PTPRR: variants seen among roughly 807,000 people sequenced by gnomAD.
PTPRR encodes protein tyrosine phosphatase receptor type R.
A neutral mutation model predicts 77.2 loss-of-function variants in PTPRR; 38 were observed. The ratio of observed to expected loss-of-function variants is 0.49; its 90% CI spans 0.38 to 0.65. The LOEUF (loss-of-function observed/expected upper bound fraction) is 0.65. Among genes scored for constraint, PTPRR ranks in the 30% least tolerant of loss-of-function variants. The pLI, the probability that PTPRR is intolerant of heterozygous loss-of-function variation, is 0.00. For missense variants in PTPRR, 744 were observed against 799.2 expected, an observed-to-expected ratio of 0.93 and a Z score of 0.83; for synonymous variants, 299 against 283.1, an observed-to-expected ratio of 1.06 and a Z score of -0.57.
chr12:70,766,706 T>C (rs900597077), intron 2 of PTPRR, among the ~76,000 whole-genome samples: 2 of 150,918 alleles, frequency 1.3e-5, no homozygotes, highest in African/African-American at 4.9e-5. Flanking sequence ...CCAAGACACA[T>C]AATTGTCAGA....
chr12:70,898,118 G>A (rs1367703641), intron 1 of PTPRR, among the ~76,000 whole-genome samples: 3 of 151,308 alleles, frequency 2.0e-5, no homozygotes, highest in Non-Finnish European at 4.4e-5. Context: ...AAACCTGCAC[G>A]TTGTGCACAT....
chr12:70,701,922 G>A (rs1279837425), intron 6 of PTPRR, among the ~76,000 whole-genome samples: 17 of 152,228 alleles, frequency 1.1e-4, no homozygotes, highest in African/African-American at 4.1e-4. Flanking sequence ...GCAGTGAGCC[G>A]TGATGGTGCC....
chr12:70,812,801 G>A (rs1336754318), intron 2 of PTPRR, among the ~76,000 whole-genome samples: 1 of 152,088 alleles, frequency 6.6e-6, no homozygotes, highest in Non-Finnish European at 1.5e-5. Flanking sequence ...TTTTATTCTT[G>A]CAGATAGGTT....
chr12:70,916,021 A>G (rs1385517801), intron 1 of PTPRR, among the ~76,000 whole-genome samples: 3 of 152,172 alleles, frequency 2.0e-5, no homozygotes, highest in Admixed American at 2.0e-4. Context: ...AAATGGGCTT[A>G]CATTTTAATA....
intron 8 of PTPRR, among the ~76,000 whole-genome samples, chr12:70,685,536 G>C (rs928656649): frequency 6.0e-5 from 9 of 149,296 alleles, no homozygotes; most frequent in African/African-American, 2.2e-4. Context: ...TGTGGTTCCA[G>C]CTACTTGGGA....
chr12:70,824,470 G>C (rs528476904), intron 2 of PTPRR, among the ~76,000 whole-genome samples: 3 of 152,222 alleles, frequency 2.0e-5, no homozygotes, highest in Admixed American at 6.5e-5. Context: ...AAAGGCTACT[G>C]TGAAGGAATT....
intron 6 of PTPRR, among the ~76,000 whole-genome samples, chr12:70,721,930 G>A (rs1165189373): frequency 6.6e-6 from 1 of 152,104 alleles, no homozygotes; most frequent in Non-Finnish European, 1.5e-5. Context: ...AGACTCTACA[G>A]CCCAAATTGA....
At chr12:70,702,860 G>A (rs76842728) in intron 6 of PTPRR, among the ~76,000 whole-genome samples, 2,310 of 151,716 alleles carry the variant, frequency 0.015, 28 homozygotes, top group East Asian at 0.068. Flanking sequence ...ATTTTTTTTC[G>A]AGATAAACAC....
At chr12:70,732,012 C>A (rs567562094) in intron 6 of PTPRR, among the ~76,000 whole-genome samples, 2 of 152,106 alleles carry the variant, frequency 1.3e-5, no homozygotes, top group Non-Finnish European at 2.9e-5. Context: ...TAAAAAGCTG[C>A]CTTGGGCAAT....
chr12:70,700,445 T>C (rs1250053795), intron 7 of PTPRR, among the ~76,000 whole-genome samples: 1 of 152,190 alleles, frequency 6.6e-6, no homozygotes, highest in African/African-American at 2.4e-5. Flanking sequence ...ACACTTGGTC[T>C]TCCTCCTGTG....
At chr12:70,813,775 G>A (rs571087559) in intron 2 of PTPRR, among the ~76,000 whole-genome samples, 2 of 152,276 alleles carry the variant, frequency 1.3e-5, no homozygotes, top group South Asian at 4.1e-4. Context: ...AGAATTCTCA[G>A]GGCAGAGTAC....
chr12:70,793,995 A>G (rs1234527385), intron 2 of PTPRR, among the ~76,000 whole-genome samples: 2 of 152,098 alleles, frequency 1.3e-5, no homozygotes, highest in South Asian at 4.1e-4. Flanking sequence ...TTTTCCATGA[A>G]CTTTTTGAAG....
intron 3 of PTPRR, 142 bp from the exon 4 acceptor site, chr12:70,761,768 A>T: frequency 3.3e-6 from 2 of 614,908 alleles, no homozygotes; most frequent in East Asian, 6.4e-5. Flanking sequence ...TTTATTAGTT[A>T]TTCTCTGATA....
intron 13 of PTPRR, among the ~76,000 whole-genome samples, chr12:70,643,321 T>G (rs73328177): frequency 0.1 from 15,119 of 151,334 alleles, 1,153 homozygotes; most frequent in East Asian, 0.28. Context: ...GTGTGTGTGT[T>G]TTTTGTGTTT....
intron 10 of PTPRR, among the ~76,000 whole-genome samples, chr12:70,678,122 C>T (rs1887516386): frequency 6.6e-6 from 1 of 152,148 alleles, no homozygotes; most frequent in Non-Finnish European, 1.5e-5. Flanking sequence ...CTCACTGCAA[C>T]CTCCCAGTCC....
At chr12:70,869,050 G>C (rs1385781732) in intron 2 of PTPRR, among the ~76,000 whole-genome samples, 2 of 100,348 alleles carry the variant, frequency 2.0e-5, no homozygotes, top group Non-Finnish European at 3.8e-5. Flanking sequence ...GGGGGGAGGG[G>C]GGAGGGATAG....
intron 2 of PTPRR, among the ~76,000 whole-genome samples, chr12:70,778,632 T>C (rs187652243): frequency 2.6e-5 from 4 of 152,344 alleles, no homozygotes; most frequent in East Asian, 1.9e-4. Context: ...TCTGTCCTTA[T>C]GTTTTTTCAG....
intron 1 of PTPRR, among the ~76,000 whole-genome samples, chr12:70,896,488 T>C (rs1722314464): frequency 6.6e-6 from 1 of 151,590 alleles, no homozygotes; most frequent in Non-Finnish European, 1.5e-5. Context: ...GGCCATAAAA[T>C]AACACATGTT....
chr12:70,698,750 T>G (rs1252193064), intron 7 of PTPRR, among the ~76,000 whole-genome samples: 2 of 152,188 alleles, frequency 1.3e-5, no homozygotes, highest in African/African-American at 4.8e-5. Flanking sequence ...TATAATAGAT[T>G]ATCTTTTCAC....
Sources: gnomAD v4.1 joint callset for allele counts (sites outside exome capture counted in the v4.1 genomes callset) on GRCh38, gnomAD v4.1.1 for gene constraint, MANE v1.5 for transcripts, NCBI Gene and HGNC (gene_info 2026-07-23, HGNC 2026-07-21) for gene names.